ATG9A: variants seen among roughly 807,000 people sequenced by gnomAD.
ATG9A encodes autophagy-related protein 9A.
A neutral mutation model predicts 87.1 loss-of-function variants in ATG9A; 21 were observed. That is an observed-to-expected ratio of 0.24 (90% CI 0.17 to 0.35). ATG9A has a LOEUF of 0.35. Ranked by LOEUF, ATG9A falls within the 10% of genes least tolerant of loss-of-function variation. The probability of loss-of-function intolerance (pLI) is 1.00; values close to 1 mark genes in which losing one functional copy is unlikely to be tolerated. For synonymous variants in ATG9A, 422 were observed against 441.3 expected (o/e 0.96, Z 0.55); for missense variants, 836 against 1,107.3 (o/e 0.76, Z 3.48).
In ATG9A at chr2:219,224,709, G is replaced by A. The variant is rs1158002906; in HGVS notation, c.662C>T (p.Ala221Val). The A allele has an allele frequency of 2.5e-6, 4 of 1,614,226 alleles. No individual in the cohort carries two copies. The Admixed American group carries it at 6.7e-5, about 27-fold the overall frequency. The change falls in exon 8 of 16, where the codon GCA (alanine) becomes GTA (valine). Residue 221 changes from alanine to valine, a missense_variant. By Grantham distance (64) the Ala-to-Val change is moderately conservative (BLOSUM62 0). This residue lies in a region of ATG9A where 512 missense variants were observed against 759.6 expected (regional missense o/e 0.67). Coordinates refer to ENST00000361242, the MANE Select transcript of ATG9A (RefSeq NM_001077198.3). The surrounding 1 kb of genome is among the most constrained non-coding windows in gnomAD (Gnocchi z 7.7). ...AGGCAGGAGGGATTTGTTAACCAGTGCCACCATGTAGTTCTGGAAACGGAG... is the reference window on the plus strand; with the variant it reads ...AGGCAGGAGGGATTTGTTAACCAGTACCACCATGTAGTTCTGGAAACGGAG... Reference protein sequence around the residue: ...RILRFQNYMVALVNKSLLPLR... With the variant: ...RILRFQNYMVVLVNKSLLPLR...
In ATG9A at chr2:219,224,895, G is replaced by C; in HGVS notation, c.517-41C>G. On this transcript the variant is annotated intron_variant, in intron 7 of 15. Coordinates refer to ENST00000361242, the MANE Select transcript of ATG9A (RefSeq NM_001077198.3). The surrounding 1 kb of genome is among the most constrained non-coding windows in gnomAD (Gnocchi z 7.7). ...GGGAAGAGACAAGGTACGGAAGGTG[G>C]GGTTGTTGCCTCGACCCCTTTGCCC... 1 of 1,604,212 alleles carries C rather than the reference G, an allele frequency of 6.2e-7. No homozygotes were observed. Among genetic ancestry groups the C allele is most frequent in the Non-Finnish European group, 8.5e-7 (1 of 1,174,478 alleles).
rs964171013 is a variant in ATG9A, at chr2:219,229,565, G to T, written c.-112C>A. 2 of 152,684 alleles carry T rather than the reference G, an allele frequency of 1.3e-5. No homozygotes were observed. Among genetic ancestry groups the T allele is most frequent in the African/African-American group, 4.8e-5 (2 of 41,440 alleles). 9.5% of individuals were successfully genotyped at this position (152,684 alleles called of 1,614,324 possible). ...GAACAGCGACCCGGGTGATTCCAGA[G>T]GCTCCGCCGGCTCCGCTCGGCTCGG... On this transcript the variant is annotated 5_prime_UTR_variant, in exon 1 of 16. Transcript: ENST00000361242. This position sits in a 1 kb window ranked among gnomAD's most constrained non-coding sequence, Gnocchi z 4.2.
At position 219,224,179 on chromosome 2, in the gene ATG9A, C is replaced by T; in HGVS notation, c.1192G>A (p.Asp398Asn). ...TGTTCCACAGCCAACACATCTTCGT[C>T]ATAAATGGTGAGGGCAATAAGCACA... is the stretch of plus-strand genomic sequence containing the variant. ...LAVLIALTIY[D>N]EDVLAVEHVL... is the part of the protein sequence containing the mutation. The change falls in exon 8 of 16, where the codon GAC (aspartate) becomes AAC (asparagine). Residue 398 changes from aspartate (D) to asparagine (N), a missense_variant. By Grantham distance (23) the Asp-to-Asn change is conservative. Transcript: ENST00000361242. The surrounding 1 kb of genome is among the most constrained non-coding windows in gnomAD (Gnocchi z 7.7). The T allele has an allele frequency of 1.2e-6, 2 of 1,613,736 alleles. No homozygotes were observed. Among genetic ancestry groups the T allele is most frequent in the Non-Finnish European group, 1.7e-6 (2 of 1,180,042 alleles).
chr2:219,227,889 C>T lies in ATG9A; in HGVS notation c.103+33G>A, dbSNP rs146042965. On this transcript the variant is annotated intron_variant, in intron 3 of 15. Coordinates refer to ENST00000361242, the MANE Select transcript of ATG9A (RefSeq NM_001077198.3). ...TGCTCTCTCCATGTTCTTCCATCAACTCTCCCTATGGCTGTCATATCCAAG... is the reference window on the plus strand; with the variant it reads ...TGCTCTCTCCATGTTCTTCCATCAATTCTCCCTATGGCTGTCATATCCAAG... 1.8e-3 allele frequency: 2,854 copies of T among 1,613,252 alleles called. 31 individuals are homozygous for T. In the African/African-American group the frequency reaches 0.034, roughly 19 times the overall value.
chr2:219,223,967 T>C lies in ATG9A; in HGVS notation c.1321A>G (p.Ile441Val). Residue 441 changes from isoleucine to valine, a missense_variant, in exon 9 of 16, where the codon ATC (isoleucine) becomes GTC (valine). Around this residue, in one of 2 missense-constraint regions of ATG9A, gnomAD observed 512 missense variants for 759.6 expected, o/e 0.67. Coordinates refer to ENST00000361242, the MANE Select transcript of ATG9A (RefSeq NM_001077198.3). The surrounding 1 kb of genome is among the most constrained non-coding windows in gnomAD (Gnocchi z 4.7). Reference sequence around the variant, plus strand: ...GGCATGTAGTGGATGTGAGCGAGGATCACGCGGAGCAGCTGCTCAGGGCAG... The same window carrying C: ...GGCATGTAGTGGATGTGAGCGAGGACCACGCGGAGCAGCTGCTCAGGGCAG... ...VFCPEQLLRV[I>V]LAHIHYMPDH... 1 of 1,614,124 alleles carries C rather than the reference T, an allele frequency of 6.2e-7. No homozygotes were observed.
Position 219,224,335 on chromosome 2 carries a change from G to A in ATG9A, c.1036C>T (p.Leu346=). 1 of 1,613,734 alleles carries A rather than the reference G, an allele frequency of 6.2e-7. No homozygotes were observed. The highest frequency in any genetic ancestry group is 1.1e-5 in the South Asian group (1 of 91,084). Residue 346 remains leucine (L), a synonymous_variant, in exon 8 of 16, where the codon CTG becomes TTG. Transcript: ENST00000361242. The surrounding 1 kb of genome is among the most constrained non-coding windows in gnomAD (Gnocchi z 7.7). ...AGGCGGGACTGCAGCTCGTGCTCCA[G>A]CTCGTTGAAGTGGCGGAGGTAGCAG... ...GRCYLRHFNE[L]EHELQSRLNR... is the part of the protein sequence containing the mutation.
intron 4 of ATG9A, among the ~76,000 whole-genome samples, 181 bp downstream of exon 4, chr2:219,227,589 T>A (rs1950888031): frequency 6.6e-6 from 1 of 152,046 alleles, no homozygotes; most frequent in Admixed American, 6.6e-5. Context: ...GGCACACAGA[T>A]CTTGGTAAAT....
chr2:219,226,851 G>C lies in ATG9A; in HGVS notation c.212+18C>G. ...GATGTATTCTTTCACCACATCATCTGTCCCTTCTTATACTTACATGAGCTC... is the reference window on the plus strand; with the variant it reads ...GATGTATTCTTTCACCACATCATCTCTCCCTTCTTATACTTACATGAGCTC... On this transcript the variant is annotated intron_variant, in intron 5 of 15. Coordinates refer to ENST00000361242, the MANE Select transcript of ATG9A (RefSeq NM_001077198.3). The C allele has an allele frequency of 6.2e-7, 1 of 1,602,294 alleles. No individual in the cohort carries two copies. The highest frequency in any genetic ancestry group is 1.3e-5 in the African/African-American group (1 of 74,828).
In ATG9A at chr2:219,224,612, C is replaced by G. The variant is rs772813132; in HGVS notation, c.759G>C (p.Leu253=). 1 of 1,614,192 alleles carries G rather than the reference C, an allele frequency of 6.2e-7. No homozygotes were observed. Among genetic ancestry groups the G allele is most frequent in the South Asian group, 1.1e-5 (1 of 91,086 alleles). ...GAGAGCCAGGTCCCCAGAAGAGGATCAGCTCAAAGTTGTACTTGAGACCAC... is the reference window on the plus strand; with the variant it reads ...GAGAGCCAGGTCCCCAGAAGAGGATGAGCTCAAAGTTGTACTTGAGACCAC... The part of the protein sequence containing the change: ...FTRGLKYNFE[L]ILFWGPGSLF... Residue 253 remains leucine, a synonymous_variant, in exon 8 of 16, where the codon CTG becomes CTC. Coordinates refer to ENST00000361242, the MANE Select transcript of ATG9A (RefSeq NM_001077198.3). This position sits in a 1 kb window ranked among gnomAD's most constrained non-coding sequence, Gnocchi z 7.7.
At position 219,222,675 on chromosome 2, in the gene ATG9A, C is replaced by T. The variant is rs201537531; in HGVS notation, c.1818G>A (p.Thr606=). 682 of 1,614,150 alleles carry T rather than the reference C, an allele frequency of 4.2e-4. 2 individuals are homozygous for T. In the African/African-American group the frequency reaches 4.9e-3, roughly 12 times the overall value. The part of the protein sequence containing the change: ...GGLLPENALF[T]SIQSLQSESE... ...ACTCAGATTGTAAGGACTGGATAGA[C>T]GTAAAGAGGGCATTTTCAGGGAGCA... Residue 606 remains threonine, a synonymous_variant, in exon 11 of 16, where the codon ACG becomes ACA. Coordinates refer to ENST00000361242, the MANE Select transcript of ATG9A (RefSeq NM_001077198.3). This position sits in a 1 kb window ranked among gnomAD's most constrained non-coding sequence, Gnocchi z 4.3.
chr2:219,225,107 G>C lies in ATG9A; in HGVS notation c.480C>G (p.Ile160Met). The change falls in exon 7 of 16, where the codon ATC (isoleucine) becomes ATG (methionine). Residue 160 changes from isoleucine to methionine, a missense_variant. This residue lies in a region of ATG9A where 512 missense variants were observed against 759.6 expected (regional missense o/e 0.67). Transcript: ENST00000361242. ...FIYNICCYWE[I>M]HSFYLHALRI... ...GCAGAGCGTGCAGGTAGAAGGAGTGGATCTCCCAGTAGCAGCAAATGTTAT... is the reference window on the plus strand; with the variant it reads ...GCAGAGCGTGCAGGTAGAAGGAGTGCATCTCCCAGTAGCAGCAAATGTTAT... 5.6e-6 allele frequency: 9 copies of C among 1,614,214 alleles called. No homozygotes were observed. Among genetic ancestry groups the C allele is most frequent in the Non-Finnish European group, 7.6e-6 (9 of 1,180,038 alleles).
chr2:219,220,815 C>T lies in ATG9A; in HGVS notation c.2446G>A (p.Ala816Thr). The T allele has an allele frequency of 6.2e-7, 1 of 1,613,368 alleles. No homozygotes were observed. The highest frequency in any genetic ancestry group is 8.5e-7 in the Non-Finnish European group (1 of 1,179,982). Residue 816 changes from alanine (A) to threonine (T), a missense_variant, in exon 15 of 16, where the codon GCA (alanine) becomes ACA (threonine). This residue lies in a region of ATG9A where 324 missense variants were observed against 347.6 expected (regional missense o/e 0.93). Transcript: ENST00000361242. ...GGCACGGGCTCAGGGTGCCTTGATG[C>T]CGACTGCCCATCTTCTGCCCACCCT... Reference protein sequence around the residue: ...LGGWAEDGQSASRHPEPVPEE... With the variant: ...LGGWAEDGQSTSRHPEPVPEE...
rs12472988 is a variant in ATG9A at position 219,220,128 on chromosome 2, G to C, written c.*319C>G. 5,169 of 398,910 alleles carry C rather than the reference G, an allele frequency of 0.013. 236 individuals carry two copies. Among genetic ancestry groups the C allele is most frequent in the African/African-American group, 0.094 (4,712 of 50,032 alleles). The allele number at this position is 398,910 out of a possible 1,614,324, so 24.7% of individuals were successfully genotyped here. A position where few individuals can be genotyped will look rare whatever the true frequency, so the allele number is the denominator to read the frequency against. ...CAGCTTCTATCGTGGGCAGCCCTCT[G>C]GGGACTTGCAGGGGTAGGTGTAAAG... On this transcript the variant is annotated 3_prime_UTR_variant, in exon 16 of 16. Coordinates refer to ENST00000361242, the MANE Select transcript of ATG9A (RefSeq NM_001077198.3).
At position 219,227,942 on chromosome 2, in the gene ATG9A, T is replaced by A; in HGVS notation, c.83A>T (p.His28Leu). 2 of 1,614,182 alleles carry A rather than the reference T, an allele frequency of 1.2e-6. No individual in the cohort carries two copies. ...CTCACACTTGCTCCCCTCGGCGACG[T>A]GCACCAACAGGTCCTCCTCCCCTGG... is the stretch of plus-strand genomic sequence containing the variant. The part of the protein sequence containing the change: ...SPPGEEDLLV[H>L]VAEGSKSPWH... The change falls in exon 3 of 16, where the codon CAC becomes CTC. Residue 28 changes from histidine (H) to leucine (L), a missense_variant. By Grantham distance (99) the His-to-Leu change is moderately conservative. Transcript: ENST00000361242.
Position 219,223,303 on chromosome 2 carries a change from T to A in ATG9A, c.1599+282A>T. Among the ~76,000 whole-genome samples the A allele has an allele frequency of 6.6e-6, 1 of 152,086 alleles. No individual in the cohort carries two copies. Among genetic ancestry groups the A allele is most frequent in the Non-Finnish European group, 1.5e-5 (1 of 68,002 alleles). The stretch of plus-strand genomic sequence containing the variant: ...AGGGGTTTCACCGTGTTAGCCAGGA[T>A]GGTCTCGATCTCCTGACCTCGTGAT... On this transcript the variant is annotated intron_variant, in intron 10 of 15. Coordinates refer to ENST00000361242, the MANE Select transcript of ATG9A (RefSeq NM_001077198.3). The surrounding 1 kb of genome is among the most constrained non-coding windows in gnomAD (Gnocchi z 4.7).
chr2:219,223,079 T>A lies in ATG9A; in HGVS notation c.1600-186A>T, dbSNP rs1950794045. 6.7e-6 allele frequency among the ~76,000 whole-genome samples: 1 copy of A among 150,290 alleles called. No homozygotes were observed. ...CACTGCATGCTGAGCCAGTTACTTG[T>A]GTTGTGCCTTTTTTTTTTTTTTTTT... is the stretch of plus-strand genomic sequence containing the variant. On this transcript the variant is annotated intron_variant, in intron 10 of 15. Coordinates refer to ENST00000361242, the MANE Select transcript of ATG9A (RefSeq NM_001077198.3). The surrounding 1 kb of genome is among the most constrained non-coding windows in gnomAD (Gnocchi z 4.7).
chr2:219,224,391 A>G lies in ATG9A; in HGVS notation c.980T>C (p.Leu327Pro). The change falls in exon 8 of 16, where the codon CTG becomes CCG. Residue 327 changes from leucine to proline, a missense_variant. Transcript: ENST00000361242. This position sits in a 1 kb window ranked among gnomAD's most constrained non-coding sequence, Gnocchi z 7.7. ...AEVLKREPGA[L>P]GARCWSLYGR... ...ATAGAGTGACCAGCAGCGTGCTCCC[A>G]GGGCCCCCGGCTCCCGCTTCAGCAC... 6.2e-7 allele frequency: 1 copy of G among 1,613,962 alleles called. No homozygotes were observed. Among genetic ancestry groups the G allele is most frequent in the Non-Finnish European group, 8.5e-7 (1 of 1,180,036 alleles).
At chr2:219,226,954 T>C (rs1045199601) in intron 4 of ATG9A, 21 bp from the exon 5 acceptor site, 2 of 1,600,798 alleles carry the variant, frequency 1.2e-6, no homozygotes, top group African/African-American at 1.3e-5. Context: ...TAAGAAAAAG[T>C]AGTCAGTAAA....
chr2:219,226,784 G>A, intron 5 of ATG9A, 85 bp downstream of exon 5: 1 of 1,265,420 alleles, frequency 7.9e-7, no homozygotes, highest in Non-Finnish European at 1.2e-6. Context: ...AGTTGTACTG[G>A]CAGGTTGGGC....
Sources: allele counts gnomAD v4.1 joint callset (sites outside exome capture counted in the v4.1 genomes callset), GRCh38; gene constraint gnomAD v4.1.1; regional missense constraint gnomAD v4.1.1; non-coding constraint Gnocchi (gnomAD v3.1); transcripts MANE v1.5; gene names NCBI Gene and HGNC (gene_info 2026-07-23, HGNC 2026-07-21).